Variants in ASCC3 observed in about 807,000 individuals in gnomAD.
The protein encoded by ASCC3 is activating signal cointegrator 1 complex subunit 3.
Under a neutral mutation model 256.3 loss-of-function variants are expected in ASCC3, and 158 were observed. The ratio of observed to expected loss-of-function variants is 0.62; its 90% CI spans 0.54 to 0.70. The LOEUF is 0.70. Ranked by LOEUF, ASCC3 falls within the 30% of genes least tolerant of loss-of-function variation. ASCC3 has a pLI of 0.00. For missense variants in ASCC3, 2,259 were observed against 2,626.0 expected (o/e 0.86, Z 3.05); for synonymous variants, 948 against 883.4 (o/e 1.07, Z -1.30).
chr6:100,685,481 G>T (rs1582694443), intron 13 of ASCC3, among the ~76,000 whole-genome samples: 1 of 152,290 alleles, frequency 6.6e-6, no homozygotes, highest in Non-Finnish European at 1.5e-5. Flanking sequence ...GTGTCCCTGA[G>T]TCAGAAACTC....
In ASCC3 at chr6:100,607,831, G is replaced by A. The variant is rs939700887; in HGVS notation, c.4786-743C>T. Among the ~76,000 whole-genome samples, 7 of 150,808 alleles carry A rather than the reference G, an allele frequency of 4.6e-5. No homozygotes were observed. In the South Asian group the frequency reaches 1.0e-3, roughly 23 times the overall value. ...GAATATTATTTAAAAAATCAAACTG[G>A]TGTATTTTTGTTTACTTCTTATCTT... is the stretch of plus-strand genomic sequence containing the variant. On this transcript the variant is annotated intron_variant, in intron 30 of 41. Coordinates refer to ENST00000369162, the MANE Select transcript of ASCC3 (RefSeq NM_006828.4).
chr6:100,600,101 C>T (rs1772521955), intron 34 of ASCC3, among the ~76,000 whole-genome samples: 1 of 151,668 alleles, frequency 6.6e-6, no homozygotes, highest in African/African-American at 2.4e-5. Context: ...GATTCCAAGC[C>T]CAAAGCTCTT....
rs987860600 is a variant in ASCC3, at chr6:100,509,016, C to T, written c.*370G>A. 8 of 286,274 alleles carry T rather than the reference C, an allele frequency of 2.8e-5. No individual in the cohort carries two copies. Among genetic ancestry groups the T allele is most frequent in the Non-Finnish European group, 5.4e-5 (8 of 147,578 alleles). The allele number at this position is 286,274 out of a possible 1,614,324, so 17.7% of individuals were successfully genotyped here. ...ACAAGTCCTAACACTTGTCACATCT[C>T]AATGTGGTTTTCCTTAAAAAAAGCA... On this transcript the variant is annotated 3_prime_UTR_variant, in exon 42 of 42. Transcript: ENST00000369162.
At chr6:100,659,333 T>C (rs145038130) in intron 16 of ASCC3, among the ~76,000 whole-genome samples, 3,011 of 151,538 alleles carry the variant, frequency 0.02, 41 homozygotes, top group Admixed American at 0.036. Context: ...AAATTTAATT[T>C]CACATTCAAC....
chr6:100,843,286 A>C (rs1488591411), intron 4 of ASCC3, among the ~76,000 whole-genome samples: 2 of 152,070 alleles, frequency 1.3e-5, no homozygotes, highest in East Asian at 1.9e-4. Context: ...TAACCAAATA[A>C]CTCACACTGC....
chr6:100,765,968 T>C (rs1009651235), intron 10 of ASCC3, among the ~76,000 whole-genome samples: 15 of 152,224 alleles, frequency 9.9e-5, no homozygotes, highest in African/African-American at 4.8e-5. Flanking sequence ...ACCTTACTTA[T>C]ATATTGCTTT....
At chr6:100,787,699 T>A (rs946867962) in intron 8 of ASCC3, among the ~76,000 whole-genome samples, 2 of 152,110 alleles carry the variant, frequency 1.3e-5, no homozygotes, top group Non-Finnish European at 2.9e-5. Context: ...AACAAACGTT[T>A]AACAAACATG....
intron 13 of ASCC3, among the ~76,000 whole-genome samples, chr6:100,701,348 C>T (rs1356042803): frequency 6.6e-6 from 1 of 152,048 alleles, no homozygotes; most frequent in African/African-American, 2.4e-5. Context: ...CAGGAGTTTC[C>T]CTGCACAAGC....
chr6:100,685,965 T>A (rs543491335), intron 13 of ASCC3, among the ~76,000 whole-genome samples: 1 of 152,280 alleles, frequency 6.6e-6, no homozygotes, highest in East Asian at 1.9e-4. Context: ...ACTTCCTCTA[T>A]CAAATAACTT....
At chr6:100,858,175 AAAGAT>A (rs1428369668) in intron 3 of ASCC3, 2 of 453,584 alleles carry the variant, frequency 4.4e-6, no homozygotes, top group Non-Finnish European at 5.8e-6. Context: ...TACGTTACAT[AAAGAT>A]AAGTGTAATT....
At chr6:100,574,910 A>T (rs1168294638) in intron 36 of ASCC3, among the ~76,000 whole-genome samples, 2 of 152,140 alleles carry the variant, frequency 1.3e-5, no homozygotes, top group Non-Finnish European at 2.9e-5. Context: ...AATGGACAAC[A>T]TGGAAGGTCT....
chr6:100,667,691 T>A (rs1323330667), intron 14 of ASCC3, among the ~76,000 whole-genome samples: 1 of 152,060 alleles, frequency 6.6e-6, no homozygotes, highest in Non-Finnish European at 1.5e-5. Flanking sequence ...TTCAAGCTAA[T>A]CCTTATCTTG....
intron 10 of ASCC3, 34 bp downstream of exon 10, chr6:100,766,531 G>C (rs1296683450): frequency 6.2e-7 from 1 of 1,602,254 alleles, no homozygotes; most frequent in Non-Finnish European, 8.5e-7. Context: ...AAAAAAGAAT[G>C]GTATTAAACA....
intron 8 of ASCC3, among the ~76,000 whole-genome samples, chr6:100,795,209 C>T (rs1334836367): frequency 1.3e-5 from 2 of 151,746 alleles, no homozygotes; most frequent in African/African-American, 4.8e-5. Context: ...AAAAAAAACC[C>T]ATTGCTTCTG....
At chr6:100,710,399 A>T (rs2115013248) in intron 13 of ASCC3, among the ~76,000 whole-genome samples, 1 of 152,282 alleles carries the variant, frequency 6.6e-6, no homozygotes, top group Middle Eastern at 3.4e-3. Flanking sequence ...ATCCAAGTCT[A>T]TCCTTTCTAA....
At chr6:100,785,409 T>C (rs1200155951) in intron 8 of ASCC3, among the ~76,000 whole-genome samples, 1 of 152,148 alleles carries the variant, frequency 6.6e-6, no homozygotes, top group African/African-American at 2.4e-5. Flanking sequence ...TTTAATCGTT[T>C]ATTAATTTAA....
chr6:100,521,987 AC>A (rs1264930214), intron 37 of ASCC3, among the ~76,000 whole-genome samples: 1 of 152,094 alleles, frequency 6.6e-6, no homozygotes, highest in Non-Finnish European at 1.5e-5. Flanking sequence ...TTCCCAAGTA[AC>A]CCCCAAAGTC....
intron 36 of ASCC3, among the ~76,000 whole-genome samples, chr6:100,566,798 C>T (rs1770275484): frequency 6.6e-6 from 1 of 151,824 alleles, no homozygotes; most frequent in African/African-American, 2.4e-5. Flanking sequence ...GATTCCATGC[C>T]ATCCCTGCCT....
intron 37 of ASCC3, 60 bp downstream of exon 37, chr6:100,540,103 A>T: frequency 1.4e-6 from 2 of 1,479,364 alleles, no homozygotes; most frequent in Non-Finnish European, 9.4e-7. Flanking sequence ...TAAAACTAGA[A>T]AAAAGAGGGC....
Sources: allele counts gnomAD v4.1 joint callset (sites outside exome capture counted in the v4.1 genomes callset), GRCh38; gene constraint gnomAD v4.1.1; transcripts MANE v1.5; gene names NCBI Gene and HGNC (gene_info 2026-07-23, HGNC 2026-07-21).